Variants in COLEC12 observed in about 807,000 individuals in gnomAD.
COLEC12 encodes the protein collectin-12.
In COLEC12, 33 loss-of-function variants were observed where a neutral mutation model predicts 71.1. The ratio of observed to expected loss-of-function variants is 0.46; its 90% CI spans 0.35 to 0.62. The LOEUF is 0.62. Among genes scored for constraint, COLEC12 ranks in the 20% least tolerant of loss-of-function variants. The pLI, the probability that COLEC12 is intolerant of heterozygous loss-of-function variation, is 0.00. For synonymous variants in COLEC12, 350 were observed against 353.0 expected, an observed-to-expected ratio of 0.99 and a Z score of 0.10; for missense variants, 765 against 916.1, an observed-to-expected ratio of 0.84 and a Z score of 2.13.
intron 2 of COLEC12, among the ~76,000 whole-genome samples, chr18:421,895 A>G (rs1479334120): frequency 6.6e-6 from 1 of 152,232 alleles, no homozygotes; most frequent in East Asian, 1.9e-4. Flanking sequence ...GATTGGAGCT[A>G]AAAGTTCTCA....
rs1913901806 is a variant in COLEC12, at chr18:328,718, A to G, written c.2063+2950T>C. ...ATAAATGGGGACATGGAGGTTTTGC[A>G]GAGTTGAGCAACTCACACGAGGCCT... is the stretch of plus-strand genomic sequence containing the variant. On this transcript the variant is annotated intron_variant, in intron 8 of 9. Coordinates refer to ENST00000400256, the MANE Select transcript of COLEC12 (RefSeq NM_130386.3). 2.0e-5 allele frequency among the ~76,000 whole-genome samples: 3 copies of G among 152,310 alleles called. No homozygotes were observed. The South Asian group carries it at 6.2e-4, about 32-fold the overall frequency.
At position 335,192 on chromosome 18, in the gene COLEC12, A is replaced by T; in HGVS notation, c.1366T>A (p.Ser456Thr). ...GPRGPRGDRG[S>T]QGPPGPTGNK... ...CCAGTTGGGCCAGGGGGTCCCTGGG[A>T]TCCTCTGTCACCTCTTGGACCCCTG... is the stretch of plus-strand genomic sequence containing the variant. The change falls in exon 6 of 10, where the codon TCC becomes ACC. Residue 456 changes from serine to threonine, a missense_variant. Ser to Thr is a moderately conservative substitution (Grantham distance 58). Coordinates refer to ENST00000400256, the MANE Select transcript of COLEC12 (RefSeq NM_130386.3). The T allele has an allele frequency of 8.1e-6, 13 of 1,610,660 alleles. No individual in the cohort carries two copies. The highest frequency in any genetic ancestry group is 1.1e-5 in the Non-Finnish European group (13 of 1,178,832).
chr18:438,794 C>A (rs1341430712), intron 2 of COLEC12, among the ~76,000 whole-genome samples: 2 of 122,394 alleles, frequency 1.6e-5, no homozygotes, highest in Middle Eastern at 4.0e-3. Flanking sequence ...CAGAATAAGA[C>A]CTTGTCTCAA....
At chr18:376,283 A>G (rs181290855) in intron 2 of COLEC12, among the ~76,000 whole-genome samples, 34 of 152,290 alleles carry the variant, frequency 2.2e-4, no homozygotes, top group Admixed American at 1.6e-3. Context: ...GGCGTGTGGC[A>G]TTCTGTTTAC....
rs371877658 is a variant in COLEC12 at position 469,157 on chromosome 18, C to T, written c.58+11550G>A. Among the ~76,000 whole-genome samples the T allele has an allele frequency of 3.3e-5, 5 of 152,316 alleles. No individual in the cohort carries two copies. The East Asian group carries it at 5.8e-4, about 18-fold the overall frequency. On this transcript the variant is annotated intron_variant, in intron 2 of 9. Coordinates refer to ENST00000400256, the MANE Select transcript of COLEC12 (RefSeq NM_130386.3). ...TACAAGTTCTCTTCACTTGCACAGA[C>T]GGAAAGAGGTGGGGGCAGAGGGGCG...
rs113920344 is a variant in COLEC12, at chr18:393,028, T to C, written c.59-35506A>G. Among the ~76,000 whole-genome samples, 42 of 152,348 alleles carry C rather than the reference T, an allele frequency of 2.8e-4. 1 individual carries two copies. The highest frequency in any genetic ancestry group is 8.7e-4 in the African/African-American group (36 of 41,574). ...TATTCATGGATGATTGCCTGAAAGATATGAAGAACATCCATTCCTCTAGAT... is the reference window on the plus strand; with the variant it reads ...TATTCATGGATGATTGCCTGAAAGACATGAAGAACATCCATTCCTCTAGAT... On this transcript the variant is annotated intron_variant, in intron 2 of 9. Transcript: ENST00000400256.
chr18:349,184 G>A (rs1019895376), intron 3 of COLEC12, among the ~76,000 whole-genome samples: 5 of 152,192 alleles, frequency 3.3e-5, no homozygotes, highest in African/African-American at 9.6e-5. Flanking sequence ...AAATGGTTTC[G>A]TGGGCCAGGC....
chr18:449,420 C>T (rs188746759), intron 2 of COLEC12, among the ~76,000 whole-genome samples: 2 of 152,238 alleles, frequency 1.3e-5, no homozygotes, highest in Non-Finnish European at 2.9e-5. Flanking sequence ...ATCAAAAGTG[C>T]CAAAACTTGT....
intron 2 of COLEC12, among the ~76,000 whole-genome samples, chr18:393,331 C>T (rs1442256939): frequency 1.3e-5 from 2 of 152,164 alleles, no homozygotes; most frequent in African/African-American, 2.4e-5. Flanking sequence ...CTGTTTCTCT[C>T]GAGCATTTGG....
At chr18:378,316 T>C (rs1915156776) in intron 2 of COLEC12, among the ~76,000 whole-genome samples, 1 of 152,100 alleles carries the variant, frequency 6.6e-6, no homozygotes, top group Non-Finnish European at 1.5e-5. Context: ...TCAGAAGAAG[T>C]TGTGAATTAA....
Position 500,665 on chromosome 18 carries a change from GCCCGCGCTC to G in COLEC12, c.-160_-152del, listed in dbSNP as rs565478954. The G allele has an allele frequency of 2.7e-5, 12 of 448,592 alleles. No homozygotes were observed. Among genetic ancestry groups the G allele is most frequent in the African/African-American group, 2.4e-4 (11 of 45,718 alleles). The allele number at this position is 448,592 out of a possible 1,614,324, so 27.8% of individuals were successfully genotyped here. The stretch of plus-strand genomic sequence containing the variant: ...CCCCCGTCCTCCCTCGCCGCCGCCG[GCCCGCGCTC>G]CCCGCGCTCCCGGCTCCGCGCTCTG... On this transcript the variant is annotated 5_prime_UTR_variant, in exon 1 of 10. Coordinates refer to ENST00000400256, the MANE Select transcript of COLEC12 (RefSeq NM_130386.3). This position sits in a 1 kb window ranked among gnomAD's most constrained non-coding sequence, Gnocchi z 5.3.
At chr18:446,731 A>C (rs1916661604) in intron 2 of COLEC12, among the ~76,000 whole-genome samples, 1 of 152,108 alleles carries the variant, frequency 6.6e-6, no homozygotes, top group South Asian at 2.1e-4. Context: ...AGTTGATCTT[A>C]CTGTACAATT....
At position 466,194 on chromosome 18, in the gene COLEC12, C is replaced by T. The variant is rs542679288; in HGVS notation, c.58+14513G>A. ...GGTGGAGGTTGCAGTGAGCTGAGAT[C>T]GCACCACTGCACTCCAGCCTGGGCG... On this transcript the variant is annotated intron_variant, in intron 2 of 9. Coordinates refer to ENST00000400256, the MANE Select transcript of COLEC12 (RefSeq NM_130386.3). 5.3e-5 allele frequency among the ~76,000 whole-genome samples: 8 copies of T among 152,138 alleles called. No individual in the cohort carries two copies. In the East Asian group the frequency reaches 9.7e-4, roughly 18 times the overall value.
chr18:339,141 G>A (rs933935146), intron 5 of COLEC12, among the ~76,000 whole-genome samples: 8 of 152,102 alleles, frequency 5.3e-5, no homozygotes, highest in African/African-American at 1.9e-4. Flanking sequence ...ACTGCTGGTG[G>A]GGGGAGCTGT....
chr18:414,500 A>T, intron 2 of COLEC12, among the ~76,000 whole-genome samples: 1 of 152,196 alleles, frequency 6.6e-6, no homozygotes, highest in East Asian at 1.9e-4. Context: ...TGGGAGGCTG[A>T]GGCAGGAGAA....
At chr18:464,407 G>A (rs529598630) in intron 2 of COLEC12, among the ~76,000 whole-genome samples, 46 of 152,268 alleles carry the variant, frequency 3.0e-4, no homozygotes, top group African/African-American at 9.6e-4. Context: ...CATGGGACAG[G>A]CACTAATGCT....
chr18:451,867 A>T (rs1025301542), intron 2 of COLEC12, among the ~76,000 whole-genome samples: 1 of 152,192 alleles, frequency 6.6e-6, no homozygotes, highest in Non-Finnish European at 1.5e-5. Flanking sequence ...TTCCAGGGGG[A>T]GGAAATCAAG....
chr18:456,800 T>C (rs1360840200), intron 2 of COLEC12, among the ~76,000 whole-genome samples: 1 of 152,160 alleles, frequency 6.6e-6, no homozygotes, highest in Non-Finnish European at 1.5e-5. Flanking sequence ...CTGGAGAGAT[T>C]GTTCACGAGG....
intron 2 of COLEC12, among the ~76,000 whole-genome samples, chr18:394,361 G>T (rs766482355): frequency 1.3e-5 from 2 of 152,210 alleles, no homozygotes; most frequent in African/African-American, 2.4e-5. Flanking sequence ...ACCCCAGAGG[G>T]GGCTGGAAGT....
Sources: allele counts gnomAD v4.1 joint callset (sites outside exome capture counted in the v4.1 genomes callset), GRCh38; gene constraint gnomAD v4.1.1; non-coding constraint Gnocchi (gnomAD v3.1); transcripts MANE v1.5; gene names NCBI Gene and HGNC (gene_info 2026-07-23, HGNC 2026-07-21).